GRM7: variants seen among roughly 807,000 people sequenced by gnomAD.
GRM7 encodes the protein glutamate metabotropic receptor 7.
In GRM7, 35 loss-of-function variants were observed where a neutral mutation model predicts 84.5. That is an observed-to-expected ratio of 0.41 (90% CI 0.32 to 0.55). The LOEUF (loss-of-function observed/expected upper bound fraction) is 0.55, where lower values mean the gene tolerates loss of function less well. GRM7 is among the 20% of genes least tolerant of loss of function. The pLI, the probability that GRM7 is intolerant of heterozygous loss-of-function variation, is 0.19. For missense variants in GRM7, 1,003 were observed against 1,194.6 expected, an observed-to-expected ratio of 0.84 and a Z score of 2.36; for synonymous variants, 487 against 455.1, an observed-to-expected ratio of 1.07 and a Z score of -0.89.
rs931877296 is a variant in GRM7 at position 7,086,118 on chromosome 3, T to A, written c.520-60334T>A. On this transcript the variant is annotated intron_variant, in intron 1 of 9. Coordinates refer to ENST00000357716, the MANE Select transcript of GRM7 (RefSeq NM_000844.4). ...GATTGCTAAGCACAACCACAGACACTAGCAGTCATTAGGCACATTAGCATC... is the reference window on the plus strand; with the variant it reads ...GATTGCTAAGCACAACCACAGACACAAGCAGTCATTAGGCACATTAGCATC... Among the ~76,000 whole-genome samples, 16 of 152,276 alleles carry A rather than the reference T, an allele frequency of 1.1e-4. No homozygotes were observed. In the South Asian group the frequency reaches 1.2e-3, roughly 12 times the overall value.
At chr3:7,246,336 C>T (rs1167717399) in intron 2 of GRM7, among the ~76,000 whole-genome samples, 4 of 152,098 alleles carry the variant, frequency 2.6e-5, no homozygotes, top group Non-Finnish European at 5.9e-5. Context: ...TTTAGGCTTT[C>T]CTTAGTGAAT....
chr3:6,901,604 T>TAA (rs33945077), intron 1 of GRM7, among the ~76,000 whole-genome samples: 497 of 40,446 alleles, frequency 0.012, 54 homozygotes, highest in South Asian at 0.04. Flanking sequence ...AGACTCCGTC[T>TAA]AAAAAAAAAA....
intron 1 of GRM7, among the ~76,000 whole-genome samples, chr3:7,057,414 G>C (rs561778839): frequency 4.1e-4 from 62 of 151,914 alleles, no homozygotes; most frequent in Non-Finnish European, 6.3e-4. Flanking sequence ...AAAAATATGA[G>C]ACGTTTCAAT....
intron 2 of GRM7, among the ~76,000 whole-genome samples, chr3:7,165,264 A>G (rs1444794112): frequency 2.0e-5 from 3 of 152,204 alleles, no homozygotes; most frequent in Non-Finnish European, 4.4e-5. Context: ...TTATCCCAGA[A>G]TTAAAGTATA....
At chr3:7,110,159 A>G (rs761966690) in intron 1 of GRM7, among the ~76,000 whole-genome samples, 2 of 152,130 alleles carry the variant, frequency 1.3e-5, no homozygotes, top group South Asian at 2.1e-4. Flanking sequence ...TTAATAGCCA[A>G]GTGATTTACT....
intron 2 of GRM7, among the ~76,000 whole-genome samples, chr3:7,196,646 G>A (rs375694116): frequency 2.9e-4 from 44 of 152,166 alleles, no homozygotes; most frequent in East Asian, 1.9e-3. Context: ...CTTAGATGGC[G>A]TTTCTTTAGT....
intron 7 of GRM7, among the ~76,000 whole-genome samples, chr3:7,467,868 A>C (rs1698526875): frequency 6.6e-6 from 1 of 152,218 alleles, no homozygotes; most frequent in Non-Finnish European, 1.5e-5. Context: ...AAGAAAAAAA[A>C]ATCAGCCATC....
At chr3:7,050,126 C>T (rs898250776) in intron 1 of GRM7, among the ~76,000 whole-genome samples, 1 of 151,844 alleles carries the variant, frequency 6.6e-6, no homozygotes, top group Non-Finnish European at 1.5e-5. Flanking sequence ...TGGAAAGTCA[C>T]ATGTTCAATG....
At position 6,893,103 on chromosome 3, in the gene GRM7, A is replaced by G. The variant is rs546406483; in HGVS notation, c.519+31196A>G. On this transcript the variant is annotated intron_variant, in intron 1 of 9. Coordinates refer to ENST00000357716, the MANE Select transcript of GRM7 (RefSeq NM_000844.4). The stretch of plus-strand genomic sequence containing the variant: ...CATTTTTTAATCTCCACTATGACCT[A>G]ATGAAGTAAGCATTATATTATTTCA... 8 of 152,268 alleles carry G rather than the reference A, an allele frequency of 5.3e-5. No individual in the cohort carries two copies. In the South Asian group the frequency reaches 1.5e-3, roughly 28 times the overall value. 9.4% of individuals were successfully genotyped at this position (152,268 alleles called of 1,614,324 possible). A position where few individuals can be genotyped will look rare whatever the true frequency, so the allele number is the denominator to read the frequency against.
At chr3:7,452,979 T>G (rs1200652094) in intron 6 of GRM7, among the ~76,000 whole-genome samples, 172 bp downstream of exon 6, 2 of 151,842 alleles carry the variant, frequency 1.3e-5, no homozygotes, top group Non-Finnish European at 2.9e-5. Flanking sequence ...TAAGAATGAG[T>G]TAAGATATAT....
chr3:7,387,949 T>A (rs1160258151), intron 4 of GRM7, among the ~76,000 whole-genome samples: 1 of 152,168 alleles, frequency 6.6e-6, no homozygotes, highest in East Asian at 1.9e-4. Flanking sequence ...TTTGTTTGTG[T>A]CATCTATGAT....
chr3:7,106,827 A>T (rs1264152296), intron 1 of GRM7, among the ~76,000 whole-genome samples: 1 of 152,024 alleles, frequency 6.6e-6, no homozygotes, highest in Non-Finnish European at 1.5e-5. Context: ...GGCTATGAGG[A>T]GACAGATTGT....
intron 2 of GRM7, among the ~76,000 whole-genome samples, chr3:7,256,320 T>G (rs1162731711): frequency 1.3e-5 from 2 of 152,240 alleles, no homozygotes; most frequent in African/African-American, 4.8e-5. Flanking sequence ...CATTGTCTAA[T>G]GTCCATTAGG....
At chr3:7,307,830 A>G (rs552134028) in intron 4 of GRM7, among the ~76,000 whole-genome samples, 1 of 152,302 alleles carries the variant, frequency 6.6e-6, no homozygotes, top group South Asian at 2.1e-4. Flanking sequence ...CAGTGCTAGG[A>G]GTCAGGAAAA....
chr3:7,406,785 A>G (rs1027418364), intron 4 of GRM7, among the ~76,000 whole-genome samples: 2 of 152,226 alleles, frequency 1.3e-5, no homozygotes, highest in African/African-American at 4.8e-5. Context: ...AAAAATGCAT[A>G]TCCTTTTTCC....
intron 1 of GRM7, among the ~76,000 whole-genome samples, chr3:7,101,827 A>T (rs897016127): frequency 8.1e-5 from 12 of 148,548 alleles, no homozygotes; most frequent in African/African-American, 2.9e-4. Context: ...TATCTGCTTT[A>T]TATATAAAGG....
At chr3:7,142,908 G>A (rs985560773) in intron 1 of GRM7, among the ~76,000 whole-genome samples, 1 of 152,014 alleles carries the variant, frequency 6.6e-6, no homozygotes, top group African/African-American at 2.4e-5. Context: ...ATTTTTATGA[G>A]GAGAAAAGAA....
chr3:7,558,540 T>C (rs773406896), intron 7 of GRM7, among the ~76,000 whole-genome samples: 3 of 152,104 alleles, frequency 2.0e-5, no homozygotes, highest in Non-Finnish European at 4.4e-5. Flanking sequence ...AAATAATAAA[T>C]AATAATGGTT....
intron 1 of GRM7, among the ~76,000 whole-genome samples, chr3:6,890,864 T>G (rs539742559): frequency 3.3e-5 from 5 of 152,160 alleles, no homozygotes; most frequent in Admixed American, 1.3e-4. Context: ...TGTGTGGGAG[T>G]CTAAGTGTCT....
Sources: allele counts gnomAD v4.1 joint callset (sites outside exome capture counted in the v4.1 genomes callset), GRCh38; gene constraint gnomAD v4.1.1; transcripts MANE v1.5; gene names NCBI Gene and HGNC (gene_info 2026-07-23, HGNC 2026-07-21).